TAOK3: variants seen among roughly 807,000 people sequenced by gnomAD.
TAOK3 encodes the protein TAO kinase 3, also known as serine/threonine-protein kinase TAO3.
A neutral mutation model predicts 120.4 loss-of-function variants in TAOK3; 40 were observed. The observed-to-expected ratio is 0.33, with a 90% CI of 0.26 to 0.43. TAOK3 has a LOEUF of 0.43. Ranked by LOEUF, TAOK3 falls within the 20% of genes least tolerant of loss-of-function variation. The pLI is 1.00. For missense variants in TAOK3, 821 were observed against 1,112.1 expected (o/e 0.74, Z 3.72); for synonymous variants, 355 against 387.5 (o/e 0.92, Z 0.99).
At chr12:118,197,066 T>C (rs2037765627) in intron 13 of TAOK3, among the ~76,000 whole-genome samples, 1 of 152,210 alleles carries the variant, frequency 6.6e-6, no homozygotes, top group South Asian at 2.1e-4. Context: ...TTATTTCTAT[T>C]GTTTTTAAAG....
chr12:118,177,462 A>C, intron 15 of TAOK3, 133 bp from the exon 16 acceptor site: 1 of 606,406 alleles, frequency 1.6e-6, no homozygotes. Flanking sequence ...ATTAAAAAAT[A>C]ATTGTTTTTC....
intron 1 of TAOK3, among the ~76,000 whole-genome samples, chr12:118,280,779 G>T (rs1353256086): frequency 6.6e-6 from 1 of 152,172 alleles, no homozygotes; most frequent in African/African-American, 2.4e-5. Flanking sequence ...TCTGTAAATT[G>T]CTTTGGGCAG....
intron 3 of TAOK3, among the ~76,000 whole-genome samples, chr12:118,247,165 T>G (rs1484680998): frequency 6.6e-6 from 1 of 152,084 alleles, no homozygotes; most frequent in African/African-American, 2.4e-5. Context: ...GAAAATAAAT[T>G]TTAAATTTTA....
At chr12:118,307,602 T>G (rs1438480175) in intron 1 of TAOK3, among the ~76,000 whole-genome samples, 1 of 152,156 alleles carries the variant, frequency 6.6e-6, no homozygotes, top group African/African-American at 2.4e-5. Context: ...GGGTTTAGGA[T>G]AGCAGCTGCA....
chr12:118,315,043 GT>G (rs1341344539), intron 1 of TAOK3, among the ~76,000 whole-genome samples: 3 of 151,806 alleles, frequency 2.0e-5, no homozygotes, highest in Non-Finnish European at 4.4e-5. Context: ...CAATTCTCCT[GT>G]CTCAGCCTCC....
chr12:118,164,504 G>A (rs574428298), intron 17 of TAOK3, among the ~76,000 whole-genome samples: 3 of 151,868 alleles, frequency 2.0e-5, no homozygotes, highest in South Asian at 2.1e-4. Context: ...TGCAACCTCC[G>A]CCTCCAGGGT....
At position 118,244,755 on chromosome 12, in the gene TAOK3, C is replaced by G. The variant is rs978778670; in HGVS notation, c.192+139G>C. 5 of 558,280 alleles carry G rather than the reference C, an allele frequency of 9.0e-6. No individual in the cohort carries two copies. The Admixed American group carries it at 1.1e-4, about 12-fold the overall frequency. 34.6% of individuals were successfully genotyped at this position (558,280 alleles called of 1,614,324 possible). On this transcript the variant is annotated intron_variant, in intron 4 of 20. Coordinates refer to ENST00000392533, the MANE Select transcript of TAOK3 (RefSeq NM_016281.4). ...ATGTTAGCCAGGATGGTCTCAATCT[C>G]CCGACCTCGTGAGCCGCCCACCTCG...
chr12:118,168,905 T>A (rs1170616893), intron 17 of TAOK3, among the ~76,000 whole-genome samples: 1 of 152,232 alleles, frequency 6.6e-6, no homozygotes, highest in Non-Finnish European at 1.5e-5. Flanking sequence ...TCATTTTGAT[T>A]TTTTGACTTC....
chr12:118,308,554 A>G (rs1041870270), intron 1 of TAOK3, among the ~76,000 whole-genome samples: 6 of 152,176 alleles, frequency 3.9e-5, no homozygotes, highest in Admixed American at 3.9e-4. Context: ...GGATAGCAGC[A>G]TGTTTCCCAG....
At position 118,202,759 on chromosome 12, in the gene TAOK3, T is replaced by C. The variant is rs1037522701; in HGVS notation, c.820-1296A>G. On this transcript the variant is annotated intron_variant, in intron 11 of 20. Coordinates refer to ENST00000392533, the MANE Select transcript of TAOK3 (RefSeq NM_016281.4). ...CTACATAATAAGCAGAAGCAATGCA[T>C]AGTATAGTCTATTCTTTTTTTTTTT... 6.0e-5 allele frequency among the ~76,000 whole-genome samples: 9 copies of C among 149,868 alleles called. 1 individual carries two copies. In the East Asian group the frequency reaches 1.4e-3, roughly 23 times the overall value.
At chr12:118,353,810 A>G (rs1478200472) in intron 1 of TAOK3, among the ~76,000 whole-genome samples, 1 of 152,228 alleles carries the variant, frequency 6.6e-6, no homozygotes, top group Admixed American at 6.5e-5. Flanking sequence ...GGGTTACATT[A>G]CAGATTAACA....
intron 1 of TAOK3, among the ~76,000 whole-genome samples, chr12:118,301,757 G>A (rs1431676555): frequency 2.0e-5 from 3 of 149,960 alleles, no homozygotes; most frequent in Non-Finnish European, 2.9e-5. Flanking sequence ...CGGGAGGATC[G>A]CTTGAACCTG....
chr12:118,314,929 T>C (rs971954914), intron 1 of TAOK3, among the ~76,000 whole-genome samples: 19 of 145,250 alleles, frequency 1.3e-4, no homozygotes, highest in Non-Finnish European at 1.7e-4. Flanking sequence ...TTTCTTTTTC[T>C]TTTTTTTTTT....
chr12:118,252,807 C>G (rs1288690192), intron 3 of TAOK3, among the ~76,000 whole-genome samples: 1 of 151,286 alleles, frequency 6.6e-6, no homozygotes, highest in Non-Finnish European at 1.5e-5. Flanking sequence ...GCAAGCTCTG[C>G]CTCCCGAGTT....
intron 1 of TAOK3, among the ~76,000 whole-genome samples, chr12:118,338,618 T>C (rs2141094131): frequency 6.6e-6 from 1 of 151,826 alleles, no homozygotes; most frequent in East Asian, 1.9e-4. Context: ...AAACCCTGTC[T>C]CTACTAAAAA....
intron 2 of TAOK3, chr12:118,255,864 CCT>C: frequency 1.4e-5 from 3 of 209,830 alleles, no homozygotes; most frequent in Non-Finnish European, 2.8e-5. Context: ...GGGCGGATCA[CCT>C]GAGGTCGGGA....
chr12:118,269,286 T>A (rs2041598311), intron 1 of TAOK3, among the ~76,000 whole-genome samples: 1 of 151,700 alleles, frequency 6.6e-6, no homozygotes, highest in Non-Finnish European at 1.5e-5. Context: ...CTCAGCCTCC[T>A]GAGTAGCTGG....
chr12:118,217,969 T>C (rs1593194051), intron 9 of TAOK3, among the ~76,000 whole-genome samples: 3 of 148,524 alleles, frequency 2.0e-5, no homozygotes, highest in South Asian at 2.2e-4. Context: ...AAGTGATTCT[T>C]CTGCCTCAGC....
chr12:118,289,952 C>A, intron 1 of TAOK3, among the ~76,000 whole-genome samples: 1 of 151,804 alleles, frequency 6.6e-6, no homozygotes, highest in African/African-American at 2.4e-5. Flanking sequence ...CGAGATCACA[C>A]CATTGCACTC....
Sources: allele counts gnomAD v4.1 joint callset (sites outside exome capture counted in the v4.1 genomes callset), GRCh38; gene constraint gnomAD v4.1.1; transcripts MANE v1.5; gene names NCBI Gene and HGNC (gene_info 2026-07-23, HGNC 2026-07-21).